Variants in SIRT3 observed in about 807,000 individuals in gnomAD.
SIRT3 encodes the protein NAD-dependent protein deacetylase sirtuin-3, mitochondrial.
A neutral mutation model predicts 33.5 loss-of-function variants in SIRT3; 26 were observed. The ratio of observed to expected loss-of-function variants is 0.78; its 90% CI spans 0.57 to 1.08. The LOEUF (loss-of-function observed/expected upper bound fraction) is 1.08. SIRT3 is among the 50% of genes least tolerant of loss of function. The pLI, the probability that SIRT3 is intolerant of heterozygous loss-of-function variation, is 0.00. For synonymous variants in SIRT3, 237 were observed against 222.1 expected (o/e 1.07, Z -0.60); for missense variants, 585 against 530.1 (o/e 1.10, Z -1.02).
intron 1 of SIRT3, among the ~76,000 whole-genome samples, chr11:234,538 C>G (rs894160037): frequency 7.9e-5 from 12 of 152,140 alleles, no homozygotes; most frequent in African/African-American, 2.9e-4. Flanking sequence ...CCTCAGCCTC[C>G]CGAGTAGCTG....
intron 1 of SIRT3, among the ~76,000 whole-genome samples, chr11:234,403 T>TTTTTGTTTTG (rs1554893541): frequency 0.034 from 5,155 of 151,402 alleles, 260 homozygotes; most frequent in African/African-American, 0.11. Flanking sequence ...GTAGCAAGGA[T>TTTTTGTTTTG]TTTTGTTTTG....
intron 1 of SIRT3, 21 bp downstream of exon 1, chr11:236,027 G>T: frequency 3.4e-6 from 5 of 1,481,262 alleles, no homozygotes; most frequent in Non-Finnish European, 4.5e-6. Context: ...CGCAAGAAGT[G>T]CTTGTCCTTG....
rs199663456 is a variant in SIRT3, at chr11:230,453, C to T, written c.806G>A (p.Arg269Gln). Reference sequence around the variant, plus strand: ...ACAACCAACAGCAGGATAACTCACCCGAATGTCCTCCCCTGGGAAGGGTCT... The same window carrying T: ...ACAACCAACAGCAGGATAACTCACCTGAATGTCCTCCCCTGGGAAGGGTCT... ...CQRPFPGEDI[R>Q]ADVMADRVPR... Residue 269 changes from arginine (R) to glutamine (Q), a missense_variant and splice_region_variant, in exon 4 of 7, where the codon CGG becomes CAG. By Grantham distance (43) the Arg-to-Gln change is conservative. Coordinates refer to ENST00000382743, the MANE Select transcript of SIRT3 (RefSeq NM_012239.6). 4.8e-6 allele frequency: 7 copies of T among 1,450,436 alleles called. No homozygotes were observed. Among genetic ancestry groups the T allele is most frequent in the African/African-American group, 2.9e-5 (2 of 68,482 alleles). The allele number at this position is 1,450,436 out of a possible 1,614,324, so 89.8% of individuals were successfully genotyped here.
chr11:216,858 C>A, intron 6 of SIRT3, 140 bp from the exon 7 acceptor site: 1 of 918,908 alleles, frequency 1.1e-6, no homozygotes, highest in Non-Finnish European at 1.8e-6. Context: ...ACTGCTGCTG[C>A]TGTGCTGGGC....
rs1859065977 is a variant in SIRT3 at position 236,180 on chromosome 11, AG to A, written c.148del (p.Leu50Ter). 1 of 1,563,780 alleles carries A rather than the reference AG, an allele frequency of 6.4e-7. No individual in the cohort carries two copies. The highest frequency in any genetic ancestry group is 1.4e-5 in the African/African-American group (1 of 73,366). ...ACCGCGGGCCCCATGGCTGCCTCTC[AG>A]CCCCGCACTCACATCGTCCCTGCCG... is the stretch of plus-strand genomic sequence containing the variant. ...LGGRDDVSAG[L>X]RGSHGARGEP... On this transcript the variant is annotated frameshift_variant, in exon 1 of 7. Coordinates refer to ENST00000382743, the MANE Select transcript of SIRT3 (RefSeq NM_012239.6). LOFTEE classifies it high-confidence loss of function.
At chr11:234,012 G>A (rs1858499069) in intron 1 of SIRT3, 1 of 154,260 alleles carries the variant, frequency 6.5e-6, no homozygotes, top group Admixed American at 6.5e-5. Context: ...GAACTGTTAA[G>A]AGAAGCACAA....
intron 5 of SIRT3, among the ~76,000 whole-genome samples, chr11:221,235 C>T (rs1856403654): frequency 6.6e-6 from 1 of 152,206 alleles, no homozygotes; most frequent in Non-Finnish European, 1.5e-5. Flanking sequence ...CCTCCTTCCT[C>T]AGCCTCTCAA....
At chr11:228,862 T>C (rs7947333) in intron 4 of SIRT3, among the ~76,000 whole-genome samples, 23,774 of 152,138 alleles carry the variant, frequency 0.16, 2,353 homozygotes, top group Middle Eastern at 0.22. Flanking sequence ...TTCCAGAATA[T>C]ATAAAGGACT....
intron 3 of SIRT3, 44 bp downstream of exon 3, chr11:232,939 C>G: frequency 6.3e-7 from 1 of 1,587,872 alleles, no homozygotes; most frequent in South Asian, 1.1e-5. Flanking sequence ...GCACCCGAGC[C>G]TCCGTGGGAG....
Position 217,914 on chromosome 11 carries a change from C to T in SIRT3, c.1179+918G>A, listed in dbSNP as rs949619158. Among the ~76,000 whole-genome samples, 3 of 152,186 alleles carry T rather than the reference C, an allele frequency of 2.0e-5. No individual in the cohort carries two copies. In the East Asian group the frequency reaches 5.8e-4, roughly 29 times the overall value. ...ACTGAATCATGGGGGCGGGTCTTTC[C>T]CACACTCTTCTTCTGATAGTGAATA... On this transcript the variant is annotated intron_variant, in intron 6 of 6. Transcript: ENST00000382743.
At chr11:232,563 G>A (rs2133932626) in intron 3 of SIRT3, among the ~76,000 whole-genome samples, 1 of 152,308 alleles carries the variant, frequency 6.6e-6, no homozygotes, top group South Asian at 2.1e-4. Context: ...GAGGACGCAG[G>A]AAGAACTGGC....
rs773014970 is a variant in SIRT3 at position 233,223 on chromosome 11, G to C, written c.474-8C>G. On this transcript the variant is annotated splice_polypyrimidine_tract_variant and splice_region_variant and intron_variant, in intron 2 of 6. Transcript: ENST00000382743. The stretch of plus-strand genomic sequence containing the variant: ...AGGCCACTCCCCGGCGATCTGCAGG[G>C]AGAGAAGAAAGGCTCTGAGGCCTTT... 1 of 1,611,994 alleles carries C rather than the reference G, an allele frequency of 6.2e-7. No homozygotes were observed. The highest frequency in any genetic ancestry group is 1.7e-5 in the Admixed American group (1 of 59,822).
chr11:230,700 G>C (rs371637676), intron 3 of SIRT3, 148 bp from the exon 4 acceptor site: 2 of 421,852 alleles, frequency 4.7e-6, no homozygotes, highest in Non-Finnish European at 8.3e-6. Context: ...TTTCATGCCC[G>C]TATCACCTAC....
chr11:233,639 T>C, intron 1 of SIRT3, 105 bp from the exon 2 acceptor site: 1 of 1,016,380 alleles, frequency 9.8e-7, no homozygotes, highest in Non-Finnish European at 1.5e-6. Flanking sequence ...CCCTCGAGAA[T>C]GAGCATGTGT....
rs1226941547 is a variant in SIRT3, at chr11:236,092, G to A, written c.237C>T (p.Phe79=). The change falls in exon 1 of 7, where the codon TTC becomes TTT. Residue 79 remains phenylalanine, a synonymous_variant. Coordinates refer to ENST00000382743, the MANE Select transcript of SIRT3 (RefSeq NM_012239.6). ...GAGCTGCTGCCCTCGGCTGCCTCCG[G>A]AATGCCCTGGGCACCTCGGGTCTGG... ...RPPRPEVPRA[F]RRQPRAAAPS... 4 of 1,563,076 alleles carry A rather than the reference G, an allele frequency of 2.6e-6. No individual in the cohort carries two copies. The South Asian group carries it at 4.7e-5, about 18-fold the overall frequency.
chr11:236,067 G>T lies in SIRT3; in HGVS notation c.262C>A (p.Pro88Thr). The change falls in exon 1 of 7, where the codon CCC becomes ACC. Residue 88 changes from proline to threonine, a missense_variant. Transcript: ENST00000382743. ...AFRRQPRAAA[P>T]SFFFSSIKGG... ...AAATACCTCGAAAAGAAGAAACTGGGAGCTGCTGCCCTCGGCTGCCTCCGG... is the reference window on the plus strand; with the variant it reads ...AAATACCTCGAAAAGAAGAAACTGGTAGCTGCTGCCCTCGGCTGCCTCCGG... The T allele has an allele frequency of 6.5e-7, 1 of 1,534,016 alleles. No homozygotes were observed. The highest frequency in any genetic ancestry group is 1.2e-5 in the South Asian group (1 of 81,780).
In SIRT3 at chr11:233,111, A is replaced by T. The variant is rs1858320903; in HGVS notation, c.578T>A (p.Phe193Tyr). 6.2e-7 allele frequency: 1 copy of T among 1,614,024 alleles called. No homozygotes were observed. The highest frequency in any genetic ancestry group is 8.5e-7 in the Non-Finnish European group (1 of 1,180,032). ...AGGGTACAGCTCCTTGGCCAAAGTG[A>T]AAAAGGGCTTGGGGTTGTGAAAGAA... The part of the protein sequence containing the change: ...PFFFHNPKPF[F>Y]TLAKELYPGN... The change falls in exon 3 of 7, where the codon TTC becomes TAC. Residue 193 changes from phenylalanine to tyrosine, a missense_variant. Coordinates refer to ENST00000382743, the MANE Select transcript of SIRT3 (RefSeq NM_012239.6).
Position 236,274 on chromosome 11 carries a change from C to G in SIRT3, c.55G>C (p.Val19Leu). 1 of 1,539,658 alleles carries G rather than the reference C, an allele frequency of 6.5e-7. No homozygotes were observed. Among genetic ancestry groups the G allele is most frequent in the Non-Finnish European group, 8.7e-7 (1 of 1,148,576 alleles). Reference sequence around the variant, plus strand: ...CCTCCCCCGGCCTCGACCCGTTCAACTACCCGGCCCCACAGCCGGAGGGCT... The same window carrying G: ...CCTCCCCCGGCCTCGACCCGTTCAAGTACCCGGCCCCACAGCCGGAGGGCT... Reference protein sequence around the residue: ...AAALRLWGRVVERVEAGGGVG... With the variant: ...AAALRLWGRVLERVEAGGGVG... The change falls in exon 1 of 7, where the codon GTT becomes CTT. Residue 19 changes from valine to leucine, a missense_variant. Transcript: ENST00000382743.
intron 6 of SIRT3, 79 bp from the exon 7 acceptor site, chr11:216,797 C>A: frequency 6.9e-7 from 1 of 1,456,266 alleles, no homozygotes. Context: ...TCAAACAGCT[C>A]TAGCTGCAGA....
Sources: gnomAD v4.1 joint callset for allele counts (sites outside exome capture counted in the v4.1 genomes callset) on GRCh38, gnomAD v4.1.1 for gene constraint, MANE v1.5 for transcripts, NCBI Gene and HGNC (gene_info 2026-07-23, HGNC 2026-07-21) for gene names.